Variants in DNAH6 observed in about 807,000 individuals in gnomAD.
DNAH6 encodes axonemal beta dynein heavy chain 6.
DNAH6 carries 340 observed loss-of-function variants against 491.4 expected under a neutral mutation model. The ratio of observed to expected loss-of-function variants is 0.69; its 90% CI spans 0.63 to 0.76. DNAH6 has a LOEUF of 0.76. Among genes scored for constraint, DNAH6 ranks in the 30% least tolerant of loss-of-function variants. The pLI is 0.00. For missense variants in DNAH6, 4,443 were observed against 4,972.2 expected, an observed-to-expected ratio of 0.89 and a Z score of 3.20; for synonymous variants, 1,603 against 1,686.1, an observed-to-expected ratio of 0.95 and a Z score of 1.21.
At chr2:84,706,532 C>T (rs1282473933) in intron 52 of DNAH6, among the ~76,000 whole-genome samples, 1 of 152,110 alleles carries the variant, frequency 6.6e-6, no homozygotes, top group African/African-American at 2.4e-5. Flanking sequence ...AGTGTGCCGA[C>T]CTCTGATGTG....
At chr2:84,584,376 T>C in intron 15 of DNAH6, 126 bp downstream of exon 15, 2 of 956,878 alleles carry the variant, frequency 2.1e-6, no homozygotes, top group South Asian at 1.8e-5. Context: ...TGTTTTGATA[T>C]ACGTATACAT....
intron 29 of DNAH6, among the ~76,000 whole-genome samples, chr2:84,630,216 A>G (rs1337234550): frequency 1.3e-5 from 2 of 152,204 alleles, no homozygotes; most frequent in Non-Finnish European, 1.5e-5. Context: ...CTATTTTGCA[A>G]CCTTCAAAAA....
At chr2:84,658,908 T>C (rs1691224365) in intron 36 of DNAH6, 118 bp from the exon 37 acceptor site, 13 of 600,580 alleles carry the variant, frequency 2.2e-5, no homozygotes, top group Admixed American at 7.2e-5. Flanking sequence ...ATATACACTG[T>C]GCCCATTTAA....
chr2:84,650,581 T>A (rs1251304878), intron 33 of DNAH6, among the ~76,000 whole-genome samples: 1 of 152,134 alleles, frequency 6.6e-6, no homozygotes, highest in East Asian at 1.9e-4. Flanking sequence ...ATTTTTATGA[T>A]GACTGTTTTA....
chr2:84,644,236 T>A (rs1689685946), intron 33 of DNAH6, among the ~76,000 whole-genome samples: 2 of 152,092 alleles, frequency 1.3e-5, no homozygotes, highest in South Asian at 4.2e-4. Flanking sequence ...CCAGCTGGAG[T>A]TGATGTTTCC....
At chr2:84,625,363 G>A (rs1320386903) in intron 29 of DNAH6, among the ~76,000 whole-genome samples, 2 of 152,142 alleles carry the variant, frequency 1.3e-5, no homozygotes, top group Non-Finnish European at 2.9e-5. Flanking sequence ...AGAATAGCAG[G>A]GAAACCGAAG....
In DNAH6 at chr2:84,547,977, T is replaced by C. The variant is rs368039337; in HGVS notation, c.1187-311T>C. On this transcript the variant is annotated intron_variant, in intron 7 of 76. Transcript: ENST00000389394. The stretch of plus-strand genomic sequence containing the variant: ...GACCTTAGGATTGACTCAGTTAGCA[T>C]GTACTATAAAGGTTGACTAAATTGT... Among the ~76,000 whole-genome samples the C allele has an allele frequency of 2.0e-4, 31 of 152,328 alleles. No individual in the cohort carries two copies. In the South Asian group the frequency reaches 6.4e-3, roughly 32 times the overall value.
intron 21 of DNAH6, among the ~76,000 whole-genome samples, chr2:84,607,607 A>C (rs910290532): frequency 3.0e-4 from 46 of 152,198 alleles, no homozygotes; most frequent in South Asian, 2.1e-4. Flanking sequence ...CATTTAAAAA[A>C]CCTGCACATG....
At chr2:84,636,935 A>C (rs1688937921) in intron 30 of DNAH6, among the ~76,000 whole-genome samples, 1 of 152,120 alleles carries the variant, frequency 6.6e-6, no homozygotes, top group African/African-American at 2.4e-5. Flanking sequence ...GGCTCAGTAT[A>C]TGTTCAGACC....
At chr2:84,763,710 T>G (rs1408972701) in intron 64 of DNAH6, among the ~76,000 whole-genome samples, 2 of 133,818 alleles carry the variant, frequency 1.5e-5, no homozygotes, top group African/African-American at 5.6e-5. Context: ...ATAGAACTGA[T>G]AGGATGTGTG....
At chr2:84,659,616 G>T (rs975339209) in intron 37 of DNAH6, among the ~76,000 whole-genome samples, 2 of 152,128 alleles carry the variant, frequency 1.3e-5, no homozygotes, top group African/African-American at 4.8e-5. Context: ...AAATTAGAAT[G>T]CACTCTGTTT....
Position 84,624,943 on chromosome 2 carries a change from C to G in DNAH6, c.4395C>G (p.Asp1465Glu). The G allele has an allele frequency of 6.4e-7, 1 of 1,551,524 alleles. No homozygotes were observed. ...GCCTCATGGGAGCTTTGCAGCTTGA[C>G]CTTGGGGGTGCACCAGCTGGTCCTG... ...YLCLMGALQL[D>E]LGGAPAGPAG... Residue 1465 changes from aspartate to glutamate, a missense_variant, in exon 29 of 77, where the codon GAC (aspartate) becomes GAG (glutamate). Physicochemically the swap from Asp to Glu is conservative, Grantham distance 45. Transcript: ENST00000389394.
intron 70 of DNAH6, among the ~76,000 whole-genome samples, chr2:84,803,532 A>G (rs1291525284): frequency 6.6e-6 from 1 of 151,922 alleles, no homozygotes; most frequent in Non-Finnish European, 1.5e-5. Context: ...TCTATATTAT[A>G]GAATTATCTT....
At chr2:84,805,292 A>T (rs1369891038) in intron 70 of DNAH6, among the ~76,000 whole-genome samples, 1 of 152,234 alleles carries the variant, frequency 6.6e-6, no homozygotes, top group Non-Finnish European at 1.5e-5. Context: ...ATACTGCATG[A>T]TTTAACTTTT....
intron 30 of DNAH6, 70 bp from the exon 31 acceptor site, chr2:84,637,140 G>A (rs974179796): frequency 1.6e-5 from 21 of 1,325,074 alleles, no homozygotes; most frequent in Admixed American, 1.3e-4. Flanking sequence ...TCTTGTATTC[G>A]AGTAATAATT....
At chr2:84,618,724 G>A (rs567692023) in intron 23 of DNAH6, among the ~76,000 whole-genome samples, 1 of 152,240 alleles carries the variant, frequency 6.6e-6, no homozygotes, top group African/African-American at 2.4e-5. Flanking sequence ...TTCCTTTTGA[G>A]TGATTTGGAG....
intron 71 of DNAH6, 84 bp from the exon 72 acceptor site, chr2:84,808,330 AT>A: frequency 7.2e-7 from 1 of 1,379,482 alleles, no homozygotes; most frequent in Non-Finnish European, 9.5e-7. Flanking sequence ...CTTTTTAAAA[AT>A]GTTAAGATAA....
At chr2:84,624,838 G>A (rs1687712115) in intron 28 of DNAH6, 64 bp from the exon 29 acceptor site, 2 of 1,439,908 alleles carry the variant, frequency 1.4e-6, no homozygotes, top group East Asian at 5.0e-5. Context: ...CCATAGAGAG[G>A]AAATGCCTTA....
intron 75 of DNAH6, among the ~76,000 whole-genome samples, chr2:84,815,511 G>A (rs1680405390): frequency 6.6e-6 from 1 of 152,080 alleles, no homozygotes; most frequent in African/African-American, 2.4e-5. Context: ...TTAAAAAAGA[G>A]AGAAAGAACA....
Sources: gnomAD v4.1 joint callset for allele counts (sites outside exome capture counted in the v4.1 genomes callset) on GRCh38, gnomAD v4.1.1 for gene constraint, MANE v1.5 for transcripts, NCBI Gene and HGNC (gene_info 2026-07-23, HGNC 2026-07-21) for gene names.